PCDHGB5: variants seen among roughly 807,000 people sequenced by gnomAD.
PCDHGB5 encodes protocadherin gamma-B5.
PCDHGB5 carries 48 observed loss-of-function variants against 62.9 expected under a neutral mutation model. That is an observed-to-expected ratio of 0.76 (90% CI 0.61 to 0.97). The LOEUF (loss-of-function observed/expected upper bound fraction) is 0.97, where lower values mean the gene tolerates loss of function less well. Ranked by LOEUF, PCDHGB5 falls within the 50% of genes least tolerant of loss-of-function variation. PCDHGB5 has a pLI of 0.00. For missense variants in PCDHGB5, 1,118 were observed against 1,198.6 expected (o/e 0.93, Z 0.99); for synonymous variants, 474 against 511.2 (o/e 0.93, Z 0.98).
chr5:141,499,029 A>AAGGAAGGAAGG lies in PCDHGB5; in HGVS notation c.2456+4165_2456+4166insGGAAGGAAGGA, dbSNP rs1562187768. ...GGAAGGAAGGAAGGAAGGAAGGAAG[A>AAGGAAGGAAGG]AAAGAAAGAAAAAGGGAGAAAAAAT... On this transcript the variant is annotated intron_variant, in intron 2 of 3. Transcript: ENST00000617380. 4.1e-4 allele frequency among the ~76,000 whole-genome samples: 57 copies of AAGGAAGGAAGG among 140,074 alleles called. 2 individuals are homozygous for AAGGAAGGAAGG. Among genetic ancestry groups the AAGGAAGGAAGG allele is most frequent in the African/African-American group, 1.4e-3 (52 of 36,074 alleles). 91.9% of individuals were successfully genotyped at this position (140,074 alleles called of 152,430 possible).
chr5:141,419,240 G>T, intron 1 of PCDHGB5: 1 of 1,613,980 alleles, frequency 6.2e-7, no homozygotes. Flanking sequence ...CCTGGTCCAC[G>T]TGCCAGAAAA....
At chr5:141,495,073 C>T (rs1464039604) in intron 2 of PCDHGB5, among the ~76,000 whole-genome samples, 1 of 152,186 alleles carries the variant, frequency 6.6e-6, no homozygotes, top group Non-Finnish European at 1.5e-5. Flanking sequence ...GCTCAATTCA[C>T]ATGCTTGCCC....
In PCDHGB5 at chr5:141,400,376, T is replaced by C. The variant is rs534277122; in HGVS notation, c.2249T>C (p.Leu750Pro). The change falls in exon 1 of 4, where the codon CTA (leucine) becomes CCA (proline). Residue 750 changes from leucine to proline, a missense_variant. By Grantham distance (98) the Leu-to-Pro change is moderately conservative. Coordinates refer to ENST00000617380, the MANE Select transcript of PCDHGB5 (RefSeq NM_018925.3). ...GGGACTTTGCCTTATTCCTACAACC[T>C]ATGTGTTGCACATACAGGAAAGACG... ...SQGTLPYSYN[L>P]CVAHTGKTEF... 6.2e-7 allele frequency: 1 copy of C among 1,614,070 alleles called. No individual in the cohort carries two copies. The highest frequency in any genetic ancestry group is 2.2e-5 in the East Asian group (1 of 44,888).
rs1373250809 is a variant in PCDHGB5, at chr5:141,399,278, G to A, written c.1151G>A (p.Gly384Asp). 1.2e-6 allele frequency: 2 copies of A among 1,613,792 alleles called. No individual in the cohort carries two copies. The highest frequency in any genetic ancestry group is 1.3e-5 in the African/African-American group (1 of 74,914). ...ENGEVNCQLQ[G>D]EVPFKIISSS... is the part of the protein sequence containing the mutation. ...GGGGAGGTTAATTGTCAATTACAAGGCGAAGTCCCTTTTAAGATTATCTCT... is the reference window on the plus strand; with the variant it reads ...GGGGAGGTTAATTGTCAATTACAAGACGAAGTCCCTTTTAAGATTATCTCT... Residue 384 changes from glycine to aspartate, a missense_variant, in exon 1 of 4, where the codon GGC (glycine) becomes GAC (aspartate). Gly to Asp is a moderately conservative substitution (Grantham distance 94). This residue lies in a region of PCDHGB5 where 1,034 missense variants were observed against 1,029.1 expected (regional missense o/e 1.00). Coordinates refer to ENST00000617380, the MANE Select transcript of PCDHGB5 (RefSeq NM_018925.3).
At chr5:141,456,701 G>C (rs370086323) in intron 1 of PCDHGB5, among the ~76,000 whole-genome samples, 1 of 151,988 alleles carries the variant, frequency 6.6e-6, no homozygotes. Flanking sequence ...GTGGTGGCTC[G>C]CGCCTGTAAT....
At position 141,476,978 on chromosome 5, in the gene PCDHGB5, C is replaced by T; in HGVS notation, c.2398-17829C>T. 2 of 1,614,256 alleles carry T rather than the reference C, an allele frequency of 1.2e-6. No homozygotes were observed. Among genetic ancestry groups the T allele is most frequent in the Non-Finnish European group, 1.7e-6 (2 of 1,180,058 alleles). ...TATTTACTCCTTCGGCAGCCACAAC[C>T]GCGCCGGCGTGCGGCAACTATTCGC... On this transcript the variant is annotated intron_variant, in intron 1 of 3. Coordinates refer to ENST00000617380, the MANE Select transcript of PCDHGB5 (RefSeq NM_018925.3). This position sits in a 1 kb window ranked among gnomAD's most constrained non-coding sequence, Gnocchi z 7.6.
intron 1 of PCDHGB5, chr5:141,417,999 TG>T: frequency 6.2e-7 from 1 of 1,613,838 alleles, no homozygotes; most frequent in Non-Finnish European, 8.5e-7. Context: ...GGCTCGGTGG[TG>T]GGGAACCTCG....
rs1456963604 is a variant in PCDHGB5, at chr5:141,400,511, C to G, written c.2384C>G (p.Ser795Cys). 6.2e-7 allele frequency: 1 copy of G among 1,613,824 alleles called. No homozygotes were observed. Among genetic ancestry groups the G allele is most frequent in the African/African-American group, 1.3e-5 (1 of 74,930 alleles). Residue 795 changes from serine (S) to cysteine (C), a missense_variant, in exon 1 of 4, where the codon TCC becomes TGC. Around this residue, in one of 2 missense-constraint regions of PCDHGB5, gnomAD observed 1,034 missense variants for 1,029.1 expected, o/e 1.00. Coordinates refer to ENST00000617380, the MANE Select transcript of PCDHGB5 (RefSeq NM_018925.3). Reference protein sequence around the residue: ...FPLCNSSESTSHPELQAPPNT... With the variant: ...FPLCNSSESTCHPELQAPPNT... ...CTTTGTAATTCCAGCGAGTCGACTTCCCATCCTGAGTTGGTGAGTTTCATT... is the reference window on the plus strand; with the variant it reads ...CTTTGTAATTCCAGCGAGTCGACTTGCCATCCTGAGTTGGTGAGTTTCATT...
At chr5:141,481,811 G>T (rs1050821120) in intron 1 of PCDHGB5, among the ~76,000 whole-genome samples, 3 of 151,892 alleles carry the variant, frequency 2.0e-5, no homozygotes, top group Admixed American at 1.3e-4. Flanking sequence ...AATTCACCAG[G>T]CGTGGTGGCT....
chr5:141,428,376 A>G (rs2097136159), intron 1 of PCDHGB5: 2 of 528,068 alleles, frequency 3.8e-6, no homozygotes, highest in African/African-American at 1.9e-5. Flanking sequence ...TGCACCTGCG[A>G]TGCTCTTCCA....
chr5:141,476,225 A>G lies in PCDHGB5; in HGVS notation c.2398-18582A>G, dbSNP rs1414835001. ...GGCTTCCACGGTCATTCACTATGAG[A>G]TCCCGGAGGAAAGAGAGAAGGGTTT... On this transcript the variant is annotated intron_variant, in intron 1 of 3. Transcript: ENST00000617380. This position sits in a 1 kb window ranked among gnomAD's most constrained non-coding sequence, Gnocchi z 7.6. 3 of 1,613,882 alleles carry G rather than the reference A, an allele frequency of 1.9e-6. No homozygotes were observed. The highest frequency in any genetic ancestry group is 2.5e-6 in the Non-Finnish European group (3 of 1,180,012).
chr5:141,477,814 G>C lies in PCDHGB5; in HGVS notation c.2398-16993G>C, dbSNP rs780195618. The C allele has an allele frequency of 1.2e-6, 2 of 1,614,110 alleles. No homozygotes were observed. The highest frequency in any genetic ancestry group is 1.1e-5 in the South Asian group (1 of 91,074). On this transcript the variant is annotated intron_variant, in intron 1 of 3. Coordinates refer to ENST00000617380, the MANE Select transcript of PCDHGB5 (RefSeq NM_018925.3). The surrounding 1 kb of genome is among the most constrained non-coding windows in gnomAD (Gnocchi z 4.9). ...CTGATCGCAATGACAATGCCCCCCA[G>C]GTCCTATATCCTCGGCCAGGTGGGA... is the stretch of plus-strand genomic sequence containing the variant.
chr5:141,435,614 C>A, intron 1 of PCDHGB5, among the ~76,000 whole-genome samples: 1 of 152,056 alleles, frequency 6.6e-6, no homozygotes, highest in East Asian at 1.9e-4. Flanking sequence ...ACATTAAATT[C>A]CCCATAACTT....
At chr5:141,403,928 G>A in intron 1 of PCDHGB5, 1 of 1,613,876 alleles carries the variant, frequency 6.2e-7, no homozygotes, top group Non-Finnish European at 8.5e-7. Flanking sequence ...AGATGGTGGG[G>A]GATTGAAAGG....
At chr5:141,430,950 TC>T (rs1353555538) in intron 1 of PCDHGB5, 1 of 1,609,980 alleles carries the variant, frequency 6.2e-7, no homozygotes, top group East Asian at 2.2e-5. Flanking sequence ...GAGCGCGGAG[TC>T]CGCATCATCC....
chr5:141,465,448 A>G (rs2099103302), intron 1 of PCDHGB5, among the ~76,000 whole-genome samples: 2 of 152,192 alleles, frequency 1.3e-5, no homozygotes, highest in Admixed American at 1.3e-4. Flanking sequence ...TTACCCAAGA[A>G]AACTCTCACC....
chr5:141,428,188 G>A (rs1023078587), intron 1 of PCDHGB5: 3 of 1,433,350 alleles, frequency 2.1e-6, no homozygotes, highest in Admixed American at 1.8e-5. Flanking sequence ...GACAGCCGCC[G>A]CTCTCTGCGC....
chr5:141,447,538 T>C (rs954291961), intron 1 of PCDHGB5, among the ~76,000 whole-genome samples: 4 of 152,204 alleles, frequency 2.6e-5, no homozygotes, highest in Admixed American at 2.6e-4. Context: ...TTGTTGGGTT[T>C]TAATGTTATG....
chr5:141,399,642 G>T lies in PCDHGB5; in HGVS notation c.1515G>T (p.Ala505=). 1.9e-6 allele frequency: 3 copies of T among 1,613,750 alleles called. 1 individual carries two copies. Among genetic ancestry groups the T allele is most frequent in the Non-Finnish European group, 2.5e-6 (3 of 1,179,856 alleles). ...TGGCCTCTTACGTGTCCATGAGCGC[G>T]CAAAGTGGGGTGGTGTTCGCGCAGC... ...LALASYVSMS[A]QSGVVFAQRA... The change falls in exon 1 of 4, where the codon GCG becomes GCT. Residue 505 remains alanine, a synonymous_variant. Transcript: ENST00000617380.
Sources: gnomAD v4.1 joint callset for allele counts (sites outside exome capture counted in the v4.1 genomes callset) on GRCh38, gnomAD v4.1.1 for gene constraint, gnomAD v4.1.1 regional missense constraint, Gnocchi (gnomAD v3.1) non-coding constraint, MANE v1.5 for transcripts, NCBI Gene and HGNC (gene_info 2026-07-23, HGNC 2026-07-21) for gene names.